VPS13D: variants seen among roughly 807,000 people sequenced by gnomAD.
The protein encoded by VPS13D is intermembrane lipid transfer protein VPS13D.
Under a neutral mutation model 461.9 loss-of-function variants are expected in VPS13D, and 187 were observed. That is an observed-to-expected ratio of 0.40 (90% CI 0.36 to 0.46). The LOEUF (loss-of-function observed/expected upper bound fraction) is 0.46. Among genes scored for constraint, VPS13D ranks in the 20% least tolerant of loss-of-function variants. The probability of loss-of-function intolerance (pLI) is 0.60; values close to 1 mark genes in which losing one functional copy is unlikely to be tolerated. For synonymous variants in VPS13D, 1,951 were observed against 1,986.3 expected (o/e 0.98, Z 0.47); for missense variants, 4,711 against 5,364.9 (o/e 0.88, Z 3.81).
chr1:12,351,051 C>G (rs1297683490), intron 46 of VPS13D, among the ~76,000 whole-genome samples: 2 of 152,158 alleles, frequency 1.3e-5, no homozygotes. Context: ...TTAGAAAAGC[C>G]TTTGTCCACA....
intron 65 of VPS13D, among the ~76,000 whole-genome samples, chr1:12,434,479 T>G (rs777861981): frequency 1.3e-5 from 2 of 152,138 alleles, no homozygotes; most frequent in Non-Finnish European, 2.9e-5. Flanking sequence ...ATCTTGAAAA[T>G]ACTCAGTAGT....
chr1:12,415,305 T>C, intron 64 of VPS13D, 84 bp downstream of exon 64: 1 of 1,565,568 alleles, frequency 6.4e-7, no homozygotes, highest in Non-Finnish European at 8.8e-7. Flanking sequence ...TACTAAGGCA[T>C]TACTATTGAG....
intron 3 of VPS13D, among the ~76,000 whole-genome samples, chr1:12,243,395 A>G (rs1044538552): frequency 2.0e-5 from 3 of 152,172 alleles, no homozygotes; most frequent in Non-Finnish European, 4.4e-5. Context: ...TTCCCCAGCT[A>G]TTAGTTGGAA....
intron 65 of VPS13D, among the ~76,000 whole-genome samples, chr1:12,447,020 G>A (rs573821060): frequency 3.3e-5 from 5 of 152,310 alleles, no homozygotes; most frequent in Admixed American, 1.3e-4. Flanking sequence ...TCTGGGTGAT[G>A]GAAGTGGGCC....
Position 12,283,353 on chromosome 1 carries a change from A to G in VPS13D, c.5251A>G (p.Lys1751Glu). The change falls in exon 21 of 70, where the codon AAG becomes GAG. Residue 1751 changes from lysine (K) to glutamate (E), a missense_variant. This residue lies in a region of VPS13D where 4,411 missense variants were observed against 4,937.8 expected (regional missense o/e 0.89). Coordinates refer to ENST00000620676, the MANE Select transcript of VPS13D (RefSeq NM_015378.4). ...CACCTCTGCGTCCCGGAAAAAGCAA[A>G]AGGAAGTCCAAGACAAGGACTATCC... ...RPTSASRKKQKEVQDKDYPLT... is the reference protein window; with the variant it reads ...RPTSASRKKQEEVQDKDYPLT... 1.2e-6 allele frequency: 2 copies of G among 1,614,130 alleles called. No homozygotes were observed. Among genetic ancestry groups the G allele is most frequent in the Non-Finnish European group, 1.7e-6 (2 of 1,180,016 alleles).
intron 45 of VPS13D, 53 bp from the exon 46 acceptor site, chr1:12,349,111 C>T: frequency 6.2e-7 from 1 of 1,611,776 alleles, no homozygotes; most frequent in Non-Finnish European, 8.5e-7. Flanking sequence ...GATGGTCAAT[C>T]TTTGGGGTGG....
intron 24 of VPS13D, among the ~76,000 whole-genome samples, chr1:12,295,235 A>G (rs552260074): frequency 6.7e-6 from 1 of 149,424 alleles, no homozygotes; most frequent in Non-Finnish European, 1.5e-5. Context: ...AAAAAAAAAA[A>G]AAAAACAAAA....
intron 60 of VPS13D, among the ~76,000 whole-genome samples, chr1:12,390,588 C>G (rs1384916638): frequency 1.3e-5 from 2 of 152,214 alleles, no homozygotes; most frequent in African/African-American, 4.8e-5. Flanking sequence ...AAACCCGTAT[C>G]TGGAGTAAGC....
At chr1:12,444,198 C>A (rs1042959127) in intron 65 of VPS13D, among the ~76,000 whole-genome samples, 2 of 152,134 alleles carry the variant, frequency 1.3e-5, no homozygotes, top group African/African-American at 4.8e-5. Flanking sequence ...TATGTTTATT[C>A]TTTCAGTCTT....
At chr1:12,457,729 A>T (rs933126424) in intron 66 of VPS13D, among the ~76,000 whole-genome samples, 6 of 152,224 alleles carry the variant, frequency 3.9e-5, no homozygotes, top group Non-Finnish European at 5.9e-5. Context: ...AGCTTTCCTA[A>T]TGGTGAGATT....
In VPS13D at chr1:12,308,536, G is replaced by A; in HGVS notation, c.6545G>A (p.Ser2182Asn). ...GAATACTCGAAGGCACCAGAGGATAGTAGTGGAGATCTGATCTTCCCTTCC... is the reference window on the plus strand; with the variant it reads ...GAATACTCGAAGGCACCAGAGGATAATAGTGGAGATCTGATCTTCCCTTCC... The part of the protein sequence containing the change: ...PREYSKAPED[S>N]SGDLIFPSYF... The change falls in exon 27 of 70, where the codon AGT becomes AAT. Residue 2182 changes from serine to asparagine, a missense_variant. By Grantham distance (46) the Ser-to-Asn change is conservative. This residue lies in a region of VPS13D where 4,411 missense variants were observed against 4,937.8 expected (regional missense o/e 0.89). Coordinates refer to ENST00000620676, the MANE Select transcript of VPS13D (RefSeq NM_015378.4). 2 of 1,614,096 alleles carry A rather than the reference G, an allele frequency of 1.2e-6. No individual in the cohort carries two copies. The highest frequency in any genetic ancestry group is 1.7e-6 in the Non-Finnish European group (2 of 1,180,012).
In VPS13D at chr1:12,304,731, A is replaced by G. The variant is rs1642515281; in HGVS notation, c.6439+3A>G. ...TGGCCAAGAGTCCAGTAGTCCAGGT[A>G]AAAGAGGAGAAAAGCAACATAATAC... On this transcript the variant is annotated splice_donor_region_variant and intron_variant, in intron 26 of 69. Coordinates refer to ENST00000620676, the MANE Select transcript of VPS13D (RefSeq NM_015378.4). 1 of 1,613,654 alleles carries G rather than the reference A, an allele frequency of 6.2e-7. No homozygotes were observed. Among genetic ancestry groups the G allele is most frequent in the South Asian group, 1.1e-5 (1 of 91,066 alleles).
Position 12,277,112 on chromosome 1 carries a change from T to TA in VPS13D, c.3525dup (p.Leu1176ThrfsTer11), listed in dbSNP as rs1232520889. The TA allele has an allele frequency of 6.2e-7, 1 of 1,614,196 alleles. No homozygotes were observed. The highest frequency in any genetic ancestry group is 1.7e-5 in the Admixed American group (1 of 60,028). On this transcript the variant is annotated frameshift_variant, in exon 19 of 70. Coordinates refer to ENST00000620676, the MANE Select transcript of VPS13D (RefSeq NM_015378.4). LOFTEE classifies it high-confidence loss of function. ...GCAGTGGAAATCCATAGGCTGAACTTACTGCTTCTTCGGACAGTGGGCATG... is the reference window on the plus strand; with the variant it reads ...GCAGTGGAAATCCATAGGCTGAACTTAACTGCTTCTTCGGACAGTGGGCATG...
At chr1:12,400,362 G>A (rs1426987793) in intron 61 of VPS13D, 32 bp downstream of exon 61, 2 of 1,610,560 alleles carry the variant, frequency 1.2e-6, no homozygotes, top group Non-Finnish European at 1.7e-6. Flanking sequence ...GTGGGTTGAT[G>A]CCATGCTGGA....
intron 67 of VPS13D, among the ~76,000 whole-genome samples, chr1:12,465,763 T>C (rs543154047): frequency 6.6e-6 from 1 of 152,348 alleles, no homozygotes; most frequent in Non-Finnish European, 1.5e-5. Flanking sequence ...ATGTTACTTA[T>C]GACTCTCCAG....
At position 12,391,902 on chromosome 1, in the gene VPS13D, C is replaced by A. The variant is rs550058917; in HGVS notation, c.11634+5568C>A. On this transcript the variant is annotated intron_variant, in intron 60 of 69. Transcript: ENST00000620676. Reference sequence around the variant, plus strand: ...TGAGACAAGAATCTTGCTCTGTCACCCAGGCTGGAGTGCAGTGGTCCTCCC... The same window carrying A: ...TGAGACAAGAATCTTGCTCTGTCACACAGGCTGGAGTGCAGTGGTCCTCCC... Among the ~76,000 whole-genome samples, 5 of 151,888 alleles carry A rather than the reference C, an allele frequency of 3.3e-5. No homozygotes were observed. In the South Asian group the frequency reaches 1.0e-3, roughly 32 times the overall value.
At chr1:12,393,868 G>A (rs1433367321) in intron 60 of VPS13D, among the ~76,000 whole-genome samples, 1 of 152,084 alleles carries the variant, frequency 6.6e-6, no homozygotes, top group Non-Finnish European at 1.5e-5. Flanking sequence ...TGAGTCTGGG[G>A]ACCCACTGGA....
chr1:12,242,381 T>C (rs1377871578), intron 2 of VPS13D, 132 bp from the exon 3 acceptor site: 8 of 745,074 alleles, frequency 1.1e-5, no homozygotes, highest in African/African-American at 5.3e-5. Flanking sequence ...TGTAAAACTT[T>C]CCTTTAACCT....
intron 2 of VPS13D, among the ~76,000 whole-genome samples, chr1:12,236,076 A>G (rs971660879): frequency 2.0e-5 from 3 of 152,214 alleles, no homozygotes; most frequent in Non-Finnish European, 4.4e-5. Flanking sequence ...CTGGTACTTT[A>G]AACTGCTTTT....
Sources: allele counts gnomAD v4.1 joint callset (sites outside exome capture counted in the v4.1 genomes callset), GRCh38; gene constraint gnomAD v4.1.1; regional missense constraint gnomAD v4.1.1; transcripts MANE v1.5; gene names NCBI Gene and HGNC (gene_info 2026-07-23, HGNC 2026-07-21).